MAML2: variants seen among roughly 807,000 people sequenced by gnomAD.
MAML2 encodes mastermind like transcriptional coactivator 2.
MAML2 carries 22 observed loss-of-function variants against 96.1 expected under a neutral mutation model. That is an observed-to-expected ratio of 0.23 (90% confidence interval 0.16 to 0.33). The LOEUF (loss-of-function observed/expected upper bound fraction) is 0.33. Ranked by LOEUF, MAML2 falls within the 10% of genes least tolerant of loss-of-function variation. The probability of loss-of-function intolerance (pLI) is 1.00; values close to 1 mark genes in which losing one functional copy is unlikely to be tolerated. For synonymous variants in MAML2, 561 were observed against 521.3 expected (o/e 1.08, Z -1.04); for missense variants, 1,367 against 1,392.4 (o/e 0.98, Z 0.29).
chr11:96,340,282 T>C (rs1225149974), intron 1 of MAML2, among the ~76,000 whole-genome samples: 1 of 152,220 alleles, frequency 6.6e-6, no homozygotes, highest in Non-Finnish European at 1.5e-5. Flanking sequence ...GGGGCTTGCA[T>C]GGCCATTTCC....
chr11:95,992,082 C>T (rs1315942969), intron 2 of MAML2, among the ~76,000 whole-genome samples: 1 of 152,200 alleles, frequency 6.6e-6, no homozygotes, highest in Non-Finnish European at 1.5e-5. Flanking sequence ...ACAAATCCTT[C>T]CTTTTCCCAA....
chr11:96,003,058 CATG>C (rs1412767554), intron 2 of MAML2, among the ~76,000 whole-genome samples: 10 of 54,092 alleles, frequency 1.8e-4, no homozygotes, highest in Non-Finnish European at 3.4e-4. Flanking sequence ...GGATGATGAA[CATG>C]ATGATGGGGA....
chr11:96,120,842 A>G (rs1327889986), intron 1 of MAML2, among the ~76,000 whole-genome samples: 2 of 152,216 alleles, frequency 1.3e-5, no homozygotes, highest in East Asian at 3.9e-4. Context: ...GACCTAGAGG[A>G]TGAGGATTCT....
chr11:96,248,113 C>CTTTTT (rs35775102), intron 1 of MAML2, among the ~76,000 whole-genome samples: 1 of 132,248 alleles, frequency 7.6e-6, no homozygotes, highest in Non-Finnish European at 1.6e-5. Context: ...TGTTTTTTTA[C>CTTTTT]TTTTTTTTTT....
intron 1 of MAML2, among the ~76,000 whole-genome samples, chr11:96,234,439 C>T (rs1201069507): frequency 6.6e-6 from 1 of 152,176 alleles, no homozygotes; most frequent in Non-Finnish European, 1.5e-5. Flanking sequence ...CGAGATCACG[C>T]CATTGCACTC....
chr11:95,986,660 G>T (rs1857834204), intron 3 of MAML2, among the ~76,000 whole-genome samples: 1 of 152,116 alleles, frequency 6.6e-6, no homozygotes, highest in Non-Finnish European at 1.5e-5. Flanking sequence ...TAAAAAATAA[G>T]GAAATTAAAG....
intron 1 of MAML2, among the ~76,000 whole-genome samples, chr11:96,287,289 A>G (rs1383526030): frequency 1.3e-5 from 2 of 152,228 alleles, no homozygotes; most frequent in Non-Finnish European, 2.9e-5. Context: ...TCAGAAATAT[A>G]TATGTCCCAA....
chr11:96,102,857 C>T lies in MAML2; in HGVS notation c.514-9340G>A, dbSNP rs77589739. Among the ~76,000 whole-genome samples, 1,466 of 152,332 alleles carry T rather than the reference C, an allele frequency of 9.6e-3. 28 individuals are homozygous for T. The highest frequency in any genetic ancestry group is 0.03 in the African/African-American group (1,244 of 41,580). ...GCCTGAAAAATCCAGCTGCTTTGTG[C>T]ATGAAATACTTTAACCATGACTCAC... On this transcript the variant is annotated intron_variant, in intron 1 of 4. Coordinates refer to ENST00000524717, the MANE Select transcript of MAML2 (RefSeq NM_032427.4).
intron 1 of MAML2, among the ~76,000 whole-genome samples, chr11:96,312,289 A>T (rs1438146410): frequency 6.6e-6 from 1 of 150,628 alleles, no homozygotes; most frequent in Admixed American, 6.7e-5. Context: ...TTATCATCTC[A>T]CAAAGGAAAA....
chr11:96,153,893 C>T (rs1312209406), intron 1 of MAML2, among the ~76,000 whole-genome samples: 2 of 151,130 alleles, frequency 1.3e-5, no homozygotes. Context: ...CTCTGGACAA[C>T]AGAGCAAGAC....
At chr11:96,034,408 A>AGTGTGTGT (rs5793773) in intron 2 of MAML2, among the ~76,000 whole-genome samples, 3,244 of 126,494 alleles carry the variant, frequency 0.026, 166 homozygotes, top group African/African-American at 0.1. Context: ...AATACTTTGA[A>AGTGTGTGT]GTGTGTGTGT....
intron 1 of MAML2, among the ~76,000 whole-genome samples, chr11:96,178,863 A>G (rs1156238207): frequency 6.6e-6 from 1 of 152,214 alleles, no homozygotes; most frequent in Non-Finnish European, 1.5e-5. Flanking sequence ...ACAATCTCTT[A>G]TAAAATGGCA....
intron 1 of MAML2, among the ~76,000 whole-genome samples, chr11:96,217,830 C>T (rs527763192): frequency 5.0e-4 from 76 of 152,306 alleles, no homozygotes; most frequent in African/African-American, 1.8e-3. Context: ...AGTATTAACC[C>T]AGTGTAATTC....
chr11:96,046,491 C>T (rs144891489), intron 2 of MAML2, among the ~76,000 whole-genome samples: 11 of 152,034 alleles, frequency 7.2e-5, no homozygotes, highest in African/African-American at 1.9e-4. Context: ...CTGTAAGATA[C>T]GAGTTACCTT....
At chr11:96,023,380 A>G (rs1321604989) in intron 2 of MAML2, among the ~76,000 whole-genome samples, 3 of 152,180 alleles carry the variant, frequency 2.0e-5, no homozygotes, top group East Asian at 1.9e-4. Context: ...TTAATTCCCA[A>G]TGCACCCACT....
At chr11:96,088,807 A>T (rs565416080) in intron 2 of MAML2, among the ~76,000 whole-genome samples, 1 of 152,298 alleles carries the variant, frequency 6.6e-6, no homozygotes, top group African/African-American at 2.4e-5. Context: ...ACACAGTAAA[A>T]GAGAAGGGGC....
At position 96,155,721 on chromosome 11, in the gene MAML2, G is replaced by A. The variant is rs191574835; in HGVS notation, c.514-62204C>T. On this transcript the variant is annotated intron_variant, in intron 1 of 4. Transcript: ENST00000524717. ...AAAGAGAAAGAACTGTCCCTGCCCC[G>A]CCCCTCCTGCTCTCCTTGAATGTGT... 9.3e-5 allele frequency among the ~76,000 whole-genome samples: 14 copies of A among 151,070 alleles called. No homozygotes were observed. In the East Asian group the frequency reaches 9.8e-4, roughly 11 times the overall value.
intron 2 of MAML2, among the ~76,000 whole-genome samples, chr11:96,063,547 T>G (rs537824178): frequency 6.6e-6 from 1 of 152,328 alleles, no homozygotes; most frequent in South Asian, 2.1e-4. Flanking sequence ...TTATACACAT[T>G]ATGTTACAAA....
At chr11:96,330,148 A>G (rs1335237504) in intron 1 of MAML2, among the ~76,000 whole-genome samples, 2 of 152,352 alleles carry the variant, frequency 1.3e-5, no homozygotes, top group East Asian at 3.9e-4. Flanking sequence ...CCCAGGAGGG[A>G]AAAAATTAAT....
Sources: allele counts gnomAD v4.1 joint callset (sites outside exome capture counted in the v4.1 genomes callset), GRCh38; gene constraint gnomAD v4.1.1; transcripts MANE v1.5; gene names NCBI Gene and HGNC (gene_info 2026-07-23, HGNC 2026-07-21).